The following THSD4 variants were observed in gnomAD, a reference collection of about 807,000 sequenced individuals.
The protein encoded by THSD4 is thrombospondin type 1 domain containing 4.
A neutral mutation model predicts 119.0 loss-of-function variants in THSD4; 69 were observed. That is an observed-to-expected ratio of 0.58 (90% confidence interval 0.48 to 0.71). The LOEUF (loss-of-function observed/expected upper bound fraction) is 0.71, where lower values mean the gene tolerates loss of function less well. Among genes scored for constraint, THSD4 ranks in the 30% least tolerant of loss-of-function variants. The pLI, the probability that THSD4 is intolerant of heterozygous loss-of-function variation, is 0.00. For missense variants in THSD4, 1,393 were observed against 1,391.1 expected (o/e 1.00, Z -0.02); for synonymous variants, 524 against 540.4 (o/e 0.97, Z 0.42).
In THSD4 at chr15:71,182,608, G is replaced by A. The variant is rs1215063961; in HGVS notation, c.99+27676G>A. Among the ~76,000 whole-genome samples the A allele has an allele frequency of 4.0e-5, 6 of 151,736 alleles. No individual in the cohort carries two copies. The East Asian group carries it at 1.2e-3, about 29-fold the overall frequency. ...AATTCCCACTATGTTATGTTTCCAG[G>A]CCACATTACAGTTAAAACAAAGTTT... is the stretch of plus-strand genomic sequence containing the variant. On this transcript the variant is annotated intron_variant, in intron 3 of 17. Coordinates refer to ENST00000261862, the MANE Select transcript of THSD4 (RefSeq NM_024817.3).
At chr15:71,645,559 C>T (rs1002367267) in intron 7 of THSD4, among the ~76,000 whole-genome samples, 6 of 152,142 alleles carry the variant, frequency 3.9e-5, no homozygotes, top group African/African-American at 1.2e-4. Flanking sequence ...CGAAATCATA[C>T]CATGGTTTTA....
chr15:71,591,382 A>G (rs551891422), intron 7 of THSD4, among the ~76,000 whole-genome samples: 1 of 152,312 alleles, frequency 6.6e-6, no homozygotes, highest in East Asian at 1.9e-4. Context: ...TTTTCTGTTT[A>G]TGCATGTCAC....
intron 10 of THSD4, 74 bp downstream of exon 10, chr15:71,731,291 C>A: frequency 7.1e-7 from 1 of 1,399,510 alleles, no homozygotes; most frequent in Non-Finnish European, 1.0e-6. Flanking sequence ...AATTCTTGTG[C>A]ATCCACCCTC....
chr15:71,437,037 C>T (rs549071980), intron 7 of THSD4, among the ~76,000 whole-genome samples: 3 of 152,326 alleles, frequency 2.0e-5, no homozygotes, highest in African/African-American at 7.2e-5. Flanking sequence ...GCTCATGGTT[C>T]TGCAGGCTGT....
chr15:71,380,870 T>C (rs2046220117), intron 6 of THSD4, among the ~76,000 whole-genome samples: 1 of 152,182 alleles, frequency 6.6e-6, no homozygotes, highest in Non-Finnish European at 1.5e-5. Context: ...CGTAAGCATA[T>C]TATATTATGC....
At chr15:71,664,449 G>T (rs1248132468) in intron 8 of THSD4, among the ~76,000 whole-genome samples, 1 of 130,688 alleles carries the variant, frequency 7.7e-6, no homozygotes, top group African/African-American at 2.7e-5. Flanking sequence ...TATGAAAAAG[G>T]CAGACTTGTA....
chr15:71,287,390 T>C (rs954257662), intron 6 of THSD4, among the ~76,000 whole-genome samples: 1 of 152,232 alleles, frequency 6.6e-6, no homozygotes, highest in Non-Finnish European at 1.5e-5. Flanking sequence ...TATATAAACC[T>C]ACAGATCTAG....
intron 4 of THSD4, among the ~76,000 whole-genome samples, chr15:71,235,057 G>A (rs1476705151): frequency 1.3e-5 from 2 of 152,196 alleles, no homozygotes; most frequent in Non-Finnish European, 2.9e-5. Flanking sequence ...GTGGTCATAC[G>A]AAAGTATTTT....
Position 71,576,665 on chromosome 15 carries a change from AAGTGATTCTCCTGCCTC to A in THSD4, c.1153-83860_1153-83844del, listed in dbSNP as rs1567044565. On this transcript the variant is annotated intron_variant, in intron 7 of 17. Transcript: ENST00000261862. ...TACTAAAACTCTGCCTCCTGAATTC[AAGTGATTCTCCTGCCTC>A]AGTGTTAAGGACACTTTCTCTTATA... 5.3e-5 allele frequency among the ~76,000 whole-genome samples: 8 copies of A among 152,340 alleles called. No individual in the cohort carries two copies. In the South Asian group the frequency reaches 1.7e-3, roughly 32 times the overall value.
chr15:71,542,024 T>A (rs1256081917), intron 7 of THSD4, among the ~76,000 whole-genome samples: 1 of 152,150 alleles, frequency 6.6e-6, no homozygotes, highest in African/African-American at 2.4e-5. Flanking sequence ...AGGACACTCA[T>A]CAAAAGATTT....
intron 6 of THSD4, among the ~76,000 whole-genome samples, chr15:71,318,950 A>C (rs1392912924): frequency 1.3e-5 from 2 of 152,070 alleles, no homozygotes; most frequent in East Asian, 1.9e-4. Context: ...AATTTGTTTT[A>C]TTTCTCAGAG....
chr15:71,298,210 G>A (rs2044892273), intron 6 of THSD4, among the ~76,000 whole-genome samples: 1 of 152,170 alleles, frequency 6.6e-6, no homozygotes, highest in Admixed American at 6.5e-5. Flanking sequence ...ATGTCCCTTT[G>A]AATGGTCTTG....
At chr15:71,540,272 G>A (rs1353844591) in intron 7 of THSD4, among the ~76,000 whole-genome samples, 1 of 150,558 alleles carries the variant, frequency 6.6e-6, no homozygotes, top group African/African-American at 2.4e-5. Context: ...CGAGTAACTG[G>A]GATTATAGGC....
Position 71,777,576 on chromosome 15 carries a change from C to A in THSD4, c.*202C>A. The stretch of plus-strand genomic sequence containing the variant: ...AGATGTTTGAAAGCCACAGTCAGTC[C>A]TTTAAGCATCACCATGTACTGATGA... On this transcript the variant is annotated 3_prime_UTR_variant, in exon 18 of 18. Coordinates refer to ENST00000261862, the MANE Select transcript of THSD4 (RefSeq NM_024817.3). 1 of 648,482 alleles carries A rather than the reference C, an allele frequency of 1.5e-6. No individual in the cohort carries two copies. 40.2% of individuals were successfully genotyped at this position (648,482 alleles called of 1,614,324 possible).
intron 5 of THSD4, among the ~76,000 whole-genome samples, chr15:71,243,336 C>T (rs1222281974): frequency 5.3e-5 from 8 of 151,740 alleles, no homozygotes; most frequent in Admixed American, 2.6e-4. Flanking sequence ...TATTGACAAT[C>T]GCTTAATGGT....
chr15:71,381,439 C>T (rs2165489), intron 6 of THSD4, among the ~76,000 whole-genome samples: 32,116 of 152,086 alleles, frequency 0.21, 3,534 homozygotes, highest in South Asian at 0.27. Context: ...AAGTTTTGCT[C>T]TGGCTTGATG....
chr15:71,467,974 A>G (rs1001250850), intron 7 of THSD4, among the ~76,000 whole-genome samples: 3 of 151,262 alleles, frequency 2.0e-5, no homozygotes, highest in African/African-American at 7.3e-5. Flanking sequence ...TCAGCCTCCC[A>G]AGTAACTGGG....
At position 71,193,958 on chromosome 15, in the gene THSD4, G is replaced by A. The variant is rs555234260; in HGVS notation, c.100-21077G>A. Among the ~76,000 whole-genome samples the A allele has an allele frequency of 1.4e-4, 21 of 152,202 alleles. No individual in the cohort carries two copies. In the South Asian group the frequency reaches 2.1e-3, roughly 15 times the overall value. ...GATCTCCTGACCCCATGATCTGCCCGCCTCCGCCTCCCAAAGTGCTGGGAT... is the reference window on the plus strand; with the variant it reads ...GATCTCCTGACCCCATGATCTGCCCACCTCCGCCTCCCAAAGTGCTGGGAT... On this transcript the variant is annotated intron_variant, in intron 3 of 17. Coordinates refer to ENST00000261862, the MANE Select transcript of THSD4 (RefSeq NM_024817.3).
chr15:71,403,346 G>A (rs2046563152), intron 6 of THSD4, among the ~76,000 whole-genome samples: 1 of 152,076 alleles, frequency 6.6e-6, no homozygotes. Flanking sequence ...TTCTAATTTT[G>A]AAATGGCTAT....
Sources: gnomAD v4.1 joint callset for allele counts (sites outside exome capture counted in the v4.1 genomes callset) on GRCh38, gnomAD v4.1.1 for gene constraint, MANE v1.5 for transcripts, NCBI Gene and HGNC (gene_info 2026-07-23, HGNC 2026-07-21) for gene names.